ZNF638: variants seen among roughly 807,000 people sequenced by gnomAD.
ZNF638 encodes zinc finger protein 638.
In ZNF638, 46 loss-of-function variants were observed where a neutral mutation model predicts 195.6. The observed-to-expected ratio is 0.24, with a 90% confidence interval of 0.19 to 0.30. ZNF638 has a LOEUF of 0.30. Ranked by LOEUF, ZNF638 falls within the 10% of genes least tolerant of loss-of-function variation. The pLI is 1.00. For synonymous variants in ZNF638, 845 were observed against 772.0 expected, an observed-to-expected ratio of 1.09 and a Z score of -1.57; for missense variants, 2,440 against 2,325.3, an observed-to-expected ratio of 1.05 and a Z score of -1.01.
intron 1 of ZNF638, among the ~76,000 whole-genome samples, chr2:71,337,505 T>C (rs1461409388): frequency 6.6e-6 from 1 of 152,136 alleles, no homozygotes; most frequent in African/African-American, 2.4e-5. Flanking sequence ...CTCTGCCTCC[T>C]GGGCTCAAGC....
At chr2:71,357,057 G>A (rs1008199564) in intron 3 of ZNF638, among the ~76,000 whole-genome samples, 1 of 152,082 alleles carries the variant, frequency 6.6e-6, no homozygotes. Context: ...TTTTTTTGTT[G>A]TTGTTTTTGT....
chr2:71,354,148 G>A (rs1391934996), intron 2 of ZNF638, among the ~76,000 whole-genome samples: 1 of 152,160 alleles, frequency 6.6e-6, no homozygotes, highest in Non-Finnish European at 1.5e-5. Context: ...AACTTCTAAT[G>A]ACCTAAACTA....
At chr2:71,387,487 A>G (rs1004448675) in intron 10 of ZNF638, among the ~76,000 whole-genome samples, 1 of 152,118 alleles carries the variant, frequency 6.6e-6, no homozygotes, top group African/African-American at 2.4e-5. Flanking sequence ...CCTGGCCAAC[A>G]TGGTGAAATC....
At position 71,363,287 on chromosome 2, in the gene ZNF638, G is replaced by T. The variant is rs544674466; in HGVS notation, c.1418+96G>T. The T allele has an allele frequency of 1.2e-5, 12 of 970,166 alleles. No homozygotes were observed. The Admixed American group carries it at 2.9e-4, about 24-fold the overall frequency. The allele number at this position is 970,166 out of a possible 1,614,324, so 60.1% of individuals were successfully genotyped here. On this transcript the variant is annotated intron_variant, in intron 4 of 27. Transcript: ENST00000264447. The stretch of plus-strand genomic sequence containing the variant: ...AGTGATTCTTTTGAGTTCTACTTCT[G>T]CCATTTAAACAACAGGCAAATGCAA...
chr2:71,388,448 C>T (rs773326354), intron 10 of ZNF638: 2 of 686,840 alleles, frequency 2.9e-6, no homozygotes. Context: ...CAACTACCCA[C>T]AGATTGTGTT....
Position 71,403,860 on chromosome 2 carries a change from G to C in ZNF638, c.2830-10G>C. On this transcript the variant is annotated splice_polypyrimidine_tract_variant and intron_variant, in intron 16 of 27. Coordinates refer to ENST00000264447, the MANE Select transcript of ZNF638 (RefSeq NM_014497.5). ...GATTTTTCTTGTTACCTTAATTTCT[G>C]TTTTAAAAGGCATATATAGAAATAA... is the stretch of plus-strand genomic sequence containing the variant. 6.6e-7 allele frequency: 1 copy of C among 1,520,484 alleles called. No homozygotes were observed. The highest frequency in any genetic ancestry group is 8.9e-7 in the Non-Finnish European group (1 of 1,124,362). The allele number at this position is 1,520,484 out of a possible 1,614,324, so 94.2% of individuals were successfully genotyped here. A position where few individuals can be genotyped will look rare whatever the true frequency, so the allele number is the denominator to read the frequency against.
rs766246282 is a variant in ZNF638 at position 71,426,580 on chromosome 2, A to C, written c.4711A>C (p.Asn1571His). ...GGGAAAAAGGAAAGAAACTCTCAAAAATGTTCCTTTCTCTGAACTTAACTT... is the reference window on the plus strand; with the variant it reads ...GGGAAAAAGGAAAGAAACTCTCAAACATGTTCCTTTCTCTGAACTTAACTT... ...LKGKRKETLK[N>H]VPFSELNLKK... The change falls in exon 24 of 28, where the codon AAT becomes CAT. Residue 1571 changes from asparagine (N) to histidine (H), a missense_variant. This residue lies in a region of ZNF638 where 1,883 missense variants were observed against 1,739.1 expected (regional missense o/e 1.08). Coordinates refer to ENST00000264447, the MANE Select transcript of ZNF638 (RefSeq NM_014497.5). 1 of 1,614,156 alleles carries C rather than the reference A, an allele frequency of 6.2e-7. No homozygotes were observed. The highest frequency in any genetic ancestry group is 1.7e-5 in the Admixed American group (1 of 60,028).
chr2:71,350,294 C>A (rs373687218), intron 2 of ZNF638, 23 bp downstream of exon 2: 135 of 1,591,364 alleles, frequency 8.5e-5, no homozygotes, highest in Non-Finnish European at 1.1e-4. Context: ...AAAAAAAGAT[C>A]ACTGTATAAT....
At chr2:71,430,419 T>C (rs965560726) in intron 25 of ZNF638, among the ~76,000 whole-genome samples, 1 of 152,130 alleles carries the variant, frequency 6.6e-6, no homozygotes, top group Non-Finnish European at 1.5e-5. Flanking sequence ...CAGTAAAGTG[T>C]GAGGAATAAG....
intron 1 of ZNF638, among the ~76,000 whole-genome samples, chr2:71,340,864 G>T (rs1003710698): frequency 6.6e-6 from 1 of 152,110 alleles, no homozygotes; most frequent in African/African-American, 2.4e-5. Context: ...TTCCTCTTAA[G>T]GTCATTGTGA....
Position 71,428,632 on chromosome 2 carries a change from G to A in ZNF638, c.5631G>A (p.Glu1877=), listed in dbSNP as rs1011416050. 10 of 1,613,766 alleles carry A rather than the reference G, an allele frequency of 6.2e-6. No individual in the cohort carries two copies. Among genetic ancestry groups the A allele is most frequent in the Non-Finnish European group, 8.5e-6 (10 of 1,179,904 alleles). ...TGACAGAACCAGCAAAAGGTGAAGA[G>A]GCCTTCCAGATGAGTGAAGGTAAAG... ...AVVTEPAKGE[E]AFQMSEVDEE... The change falls in exon 25 of 28, where the codon GAG becomes GAA. Residue 1877 remains glutamate, a synonymous_variant. Coordinates refer to ENST00000264447, the MANE Select transcript of ZNF638 (RefSeq NM_014497.5).
chr2:71,432,801 A>G (rs1307004396), intron 26 of ZNF638, among the ~76,000 whole-genome samples: 1 of 152,188 alleles, frequency 6.6e-6, no homozygotes, highest in Non-Finnish European at 1.5e-5. Flanking sequence ...GTTTAAATTG[A>G]TGAAGGCCAG....
chr2:71,404,641 T>A (rs942910862), intron 17 of ZNF638, among the ~76,000 whole-genome samples: 2 of 152,174 alleles, frequency 1.3e-5, no homozygotes, highest in African/African-American at 4.8e-5. Context: ...CCCTTGAGCC[T>A]AGGAGTTTGA....
intron 11 of ZNF638, 63 bp downstream of exon 11, chr2:71,396,254 A>G (rs2079891812): frequency 1.5e-6 from 2 of 1,349,054 alleles, no homozygotes; most frequent in Non-Finnish European, 1.0e-6. Flanking sequence ...TTAAAATCGT[A>G]TGGCAGTAGT....
intron 2 of ZNF638, among the ~76,000 whole-genome samples, chr2:71,351,462 C>T (rs2078939236): frequency 6.6e-6 from 1 of 152,148 alleles, no homozygotes; most frequent in African/African-American, 2.4e-5. Flanking sequence ...TAGAATAATT[C>T]ATATCACCTA....
At chr2:71,419,821 G>A (rs1334268422) in intron 21 of ZNF638, among the ~76,000 whole-genome samples, 1 of 151,956 alleles carries the variant, frequency 6.6e-6, no homozygotes, top group Non-Finnish European at 1.5e-5. Flanking sequence ...GTTCTCCATA[G>A]CAATAGCAGT....
intron 1 of ZNF638, 192 bp from the exon 2 acceptor site, chr2:71,348,561 T>G: frequency 8.4e-7 from 1 of 1,189,612 alleles, no homozygotes; most frequent in Non-Finnish European, 1.1e-6. Flanking sequence ...GGGGCTTGTG[T>G]TCTGCATTCA....
At chr2:71,345,729 C>T (rs1176442205) in intron 1 of ZNF638, among the ~76,000 whole-genome samples, 2 of 151,798 alleles carry the variant, frequency 1.3e-5, no homozygotes, top group African/African-American at 2.4e-5. Context: ...GGTCTTGAAC[C>T]CCTGGGCTCA....
intron 21 of ZNF638, among the ~76,000 whole-genome samples, chr2:71,422,598 A>G (rs1372012349): frequency 6.6e-6 from 1 of 152,226 alleles, no homozygotes; most frequent in African/African-American, 2.4e-5. Context: ...GAACATATCA[A>G]CAGTCATAAT....
Sources: allele counts gnomAD v4.1 joint callset (sites outside exome capture counted in the v4.1 genomes callset), GRCh38; gene constraint gnomAD v4.1.1; regional missense constraint gnomAD v4.1.1; transcripts MANE v1.5; gene names NCBI Gene and HGNC (gene_info 2026-07-23, HGNC 2026-07-21).